The following NOCT variants were observed in gnomAD, a reference collection of about 807,000 sequenced individuals.
NOCT encodes the protein CCR4 carbon catabolite repression 4-like.
Under a neutral mutation model 35.0 loss-of-function variants are expected in NOCT, and 18 were observed. The observed-to-expected ratio is 0.51, with a 90% CI of 0.36 to 0.76. NOCT has a LOEUF of 0.76. Ranked by LOEUF, NOCT falls within the 30% of genes least tolerant of loss-of-function variation. NOCT has a pLI of 0.01. For synonymous variants in NOCT, 235 were observed against 226.3 expected (o/e 1.04, Z -0.34); for missense variants, 479 against 541.0 (o/e 0.89, Z 1.14).
At chr4:139,032,579 G>C (rs1320596163) in intron 1 of NOCT, among the ~76,000 whole-genome samples, 5 of 152,174 alleles carry the variant, frequency 3.3e-5, no homozygotes, top group Admixed American at 3.3e-4. Flanking sequence ...AAATATGGGT[G>C]GAATCAAATC....
Position 139,023,786 on chromosome 4 carries a change from C to T in NOCT, c.190+7615C>T, listed in dbSNP as rs184590917. Among the ~76,000 whole-genome samples, 6 of 152,304 alleles carry T rather than the reference C, an allele frequency of 3.9e-5. No homozygotes were observed. In the East Asian group the frequency reaches 5.8e-4, roughly 15 times the overall value. ...GTGCTGGGATTACAGGCACCATGCC[C>T]GGCCTTGCCTCTGAACTTTTAAAGA... On this transcript the variant is annotated intron_variant, in intron 1 of 2. Coordinates refer to ENST00000280614, the MANE Select transcript of NOCT (RefSeq NM_012118.4).
intron 1 of NOCT, among the ~76,000 whole-genome samples, chr4:139,041,679 CTT>C (rs1726834428): frequency 6.6e-6 from 1 of 152,150 alleles, no homozygotes; most frequent in South Asian, 2.1e-4. Context: ...TTTCCTTGTT[CTT>C]TGTCTTTCTA....
intron 1 of NOCT, among the ~76,000 whole-genome samples, chr4:139,030,298 A>G (rs372491364): frequency 2.6e-4 from 39 of 152,224 alleles, no homozygotes; most frequent in East Asian, 7.7e-4. Context: ...GGTTACAGCA[A>G]GTAAAAATGC....
intron 1 of NOCT, among the ~76,000 whole-genome samples, chr4:139,024,583 G>T (rs1348296023): frequency 6.6e-6 from 1 of 151,952 alleles, no homozygotes; most frequent in Non-Finnish European, 1.5e-5. Flanking sequence ...AGTTTTGCAT[G>T]TTGTTTTATT....
chr4:139,030,362 G>C (rs1266513456), intron 1 of NOCT, among the ~76,000 whole-genome samples: 1 of 152,172 alleles, frequency 6.6e-6, no homozygotes, highest in East Asian at 1.9e-4. Context: ...ATCAGTGTTT[G>C]ACAGAATTTC....
chr4:139,033,687 A>T (rs573298779), intron 1 of NOCT, among the ~76,000 whole-genome samples: 1 of 152,128 alleles, frequency 6.6e-6, no homozygotes, highest in Non-Finnish European at 1.5e-5. Context: ...CCAAAAAAAA[A>T]AAAGGGGGAA....
intron 1 of NOCT, among the ~76,000 whole-genome samples, chr4:139,035,248 G>A (rs112730305): frequency 1.3e-5 from 2 of 151,954 alleles, no homozygotes; most frequent in African/African-American, 4.8e-5. Flanking sequence ...TCAGCCTCCC[G>A]AATAGCTGGG....
At chr4:139,036,985 C>T (rs2148646161) in intron 1 of NOCT, among the ~76,000 whole-genome samples, 1 of 152,310 alleles carries the variant, frequency 6.6e-6, no homozygotes, top group East Asian at 1.9e-4. Context: ...AGTGGAAATG[C>T]CTTTCAGGAC....
chr4:139,039,394 G>C (rs1329290386), intron 1 of NOCT, among the ~76,000 whole-genome samples: 1 of 151,358 alleles, frequency 6.6e-6, no homozygotes, highest in Non-Finnish European at 1.5e-5. Flanking sequence ...TAGACCACTT[G>C]GTGTTGGTCA....
intron 1 of NOCT, among the ~76,000 whole-genome samples, chr4:139,039,881 C>T (rs1477644415): frequency 6.6e-6 from 1 of 152,076 alleles, no homozygotes; most frequent in East Asian, 1.9e-4. Context: ...GCGCCCAACA[C>T]CATGCCTGGC....
chr4:139,022,815 C>T (rs1726440242), intron 1 of NOCT, among the ~76,000 whole-genome samples: 1 of 152,110 alleles, frequency 6.6e-6, no homozygotes, highest in South Asian at 2.1e-4. Context: ...ACGATGCTGC[C>T]CGGGTACCGT....
chr4:139,043,369 G>GC, intron 2 of NOCT, 26 bp downstream of exon 2: 1 of 1,604,664 alleles, frequency 6.2e-7, no homozygotes, highest in Non-Finnish European at 8.5e-7. Flanking sequence ...TTGTGCCTCT[G>GC]CAGTCAAGTT....
chr4:139,040,934 T>G (rs1237728268), intron 1 of NOCT, among the ~76,000 whole-genome samples: 1 of 152,160 alleles, frequency 6.6e-6, no homozygotes, highest in Non-Finnish European at 1.5e-5. Flanking sequence ...GAAGAAAGAC[T>G]TTCAAAACTT....
chr4:139,041,303 G>A (rs114210380), intron 1 of NOCT, among the ~76,000 whole-genome samples: 47 of 152,276 alleles, frequency 3.1e-4, no homozygotes, highest in African/African-American at 1.0e-3. Context: ...GCTAGTTTGA[G>A]ATGTGATTGA....
In NOCT at chr4:139,045,509, A is replaced by T. The variant is rs74826922; in HGVS notation, c.*35A>T. The T allele has an allele frequency of 0.015, 5,770 of 377,120 alleles. 1 individual carries two copies. The highest frequency in any genetic ancestry group is 0.033 in the South Asian group (1,048 of 31,348). 23.4% of individuals were successfully genotyped at this position (377,120 alleles called of 1,614,324 possible). ...TTTGTCTTTTTAATCACAGGAGTCT[A>T]TTTTTTTTTTTTTTTTTTTTTTTTT... On this transcript the variant is annotated 3_prime_UTR_variant, in exon 3 of 3. Coordinates refer to ENST00000280614, the MANE Select transcript of NOCT (RefSeq NM_012118.4).
chr4:139,035,344 C>G (rs184187249), intron 1 of NOCT, among the ~76,000 whole-genome samples: 24 of 152,226 alleles, frequency 1.6e-4, no homozygotes, highest in Non-Finnish European at 2.6e-4. Flanking sequence ...CAGTGTTGCC[C>G]AGGCTGGTCT....
At chr4:139,017,968 G>A (rs369191044) in intron 1 of NOCT, among the ~76,000 whole-genome samples, 1 of 152,078 alleles carries the variant, frequency 6.6e-6, no homozygotes, top group East Asian at 1.9e-4. Context: ...TGGAGCAGTT[G>A]AGATTTGCAG....
chr4:139,043,492 G>A (rs1235884191), intron 2 of NOCT, 149 bp downstream of exon 2: 2 of 674,236 alleles, frequency 3.0e-6, no homozygotes, highest in Non-Finnish European at 2.5e-6. Flanking sequence ...CCTAGAAGAG[G>A]TTAAGACAGG....
chr4:139,036,784 T>G (rs984115424), intron 1 of NOCT, among the ~76,000 whole-genome samples: 24 of 152,228 alleles, frequency 1.6e-4, no homozygotes, highest in Middle Eastern at 3.4e-3. Flanking sequence ...AAATGTAAAA[T>G]TAACATACAG....
Sources: allele counts gnomAD v4.1 joint callset (sites outside exome capture counted in the v4.1 genomes callset), GRCh38; gene constraint gnomAD v4.1.1; transcripts MANE v1.5; gene names NCBI Gene and HGNC (gene_info 2026-07-23, HGNC 2026-07-21).